Variants in KNL1 observed in about 807,000 individuals in gnomAD.
KNL1 encodes the protein kinetochore scaffold 1, also known as outer kinetochore KNL1 complex subunit KNL1.
In KNL1, 66 loss-of-function variants were observed where a neutral mutation model predicts 201.3. That is an observed-to-expected ratio of 0.33 (90% CI 0.27 to 0.40). The LOEUF (loss-of-function observed/expected upper bound fraction) is 0.40, where lower values mean the gene tolerates loss of function less well. Ranked by LOEUF, KNL1 falls within the 10% of genes least tolerant of loss-of-function variation. KNL1 has a pLI of 1.00. For missense variants in KNL1, 2,815 were observed against 2,690.5 expected (o/e 1.05, Z -1.02); for synonymous variants, 895 against 899.2 (o/e 1.00, Z 0.08).
chr15:40,627,284 G>C (rs1256041850), intron 10 of KNL1, among the ~76,000 whole-genome samples: 5 of 152,188 alleles, frequency 3.3e-5, no homozygotes, highest in African/African-American at 9.7e-5. Flanking sequence ...GGAGGCCAGG[G>C]CAGGTTGATC....
Position 40,622,615 on chromosome 15 carries a change from A to G in KNL1, c.2351A>G (p.Lys784Arg). 2 of 1,604,030 alleles carry G rather than the reference A, an allele frequency of 1.2e-6. No individual in the cohort carries two copies. The highest frequency in any genetic ancestry group is 1.7e-6 in the Non-Finnish European group (2 of 1,175,926). Residue 784 changes from lysine to arginine, a missense_variant, in exon 10 of 26, where the codon AAA becomes AGA. By Grantham distance (26) the Lys-to-Arg change is conservative (BLOSUM62 2). Coordinates refer to ENST00000399668, the MANE Select transcript of KNL1 (RefSeq NM_144508.5). Reference protein sequence around the residue: ...FGPSELQELGKTNLEHTTGQL... With the variant: ...FGPSELQELGRTNLEHTTGQL... ...CCTTCTGAACTACAAGAACTTGGTA[A>G]AACTAATTTAGAACACACTACTGGC... is the stretch of plus-strand genomic sequence containing the variant.
intron 13 of KNL1, among the ~76,000 whole-genome samples, chr15:40,637,435 C>G (rs1025012941): frequency 6.7e-6 from 1 of 149,988 alleles, no homozygotes; most frequent in Non-Finnish European, 1.5e-5. Flanking sequence ...CTGGTGATGA[C>G]GTGTATGCAG....
chr15:40,649,942 A>T (rs947016439), intron 17 of KNL1, among the ~76,000 whole-genome samples: 1 of 152,136 alleles, frequency 6.6e-6, no homozygotes, highest in African/African-American at 2.4e-5. Flanking sequence ...TGATTAAATT[A>T]TAAGCTCTGT....
intron 17 of KNL1, 77 bp from the exon 18 acceptor site, chr15:40,650,224 A>G: frequency 1.1e-6 from 1 of 935,830 alleles, no homozygotes; most frequent in Non-Finnish European, 1.6e-6. Context: ...TGATTGAATT[A>G]TTCTTTTTTT....
chr15:40,659,259 G>A (rs1383484046), intron 24 of KNL1, 80 bp from the exon 25 acceptor site: 17 of 1,226,558 alleles, frequency 1.4e-5, no homozygotes, highest in East Asian at 8.1e-5. Context: ...GCAAGACTCC[G>A]TCTCAAAAAA....
At chr15:40,651,416 G>C in intron 19 of KNL1, 55 bp from the exon 20 acceptor site, 1 of 1,160,592 alleles carries the variant, frequency 8.6e-7, no homozygotes, top group South Asian at 1.5e-5. Flanking sequence ...TATATTGATA[G>C]AGTGAATTCT....
intron 9 of KNL1, 87 bp from the exon 10 acceptor site, chr15:40,620,553 G>T: frequency 1.3e-6 from 1 of 754,432 alleles, no homozygotes; most frequent in Non-Finnish European, 2.1e-6. Context: ...AACCATCACT[G>T]AGGATTTTTT....
At position 40,621,307 on chromosome 15, in the gene KNL1, A is replaced by T. The variant is rs1395460419; in HGVS notation, c.1043A>T (p.Asp348Val). 2 of 1,613,880 alleles carry T rather than the reference A, an allele frequency of 1.2e-6. No individual in the cohort carries two copies. Among genetic ancestry groups the T allele is most frequent in the Admixed American group, 3.3e-5 (2 of 60,002 alleles). ...GAAAATCAAACTCAGAATGCCATGG[A>T]TGTAACAACAGGTTATGGAACTAAA... ...EIENQTQNAM[D>V]VTTGYGTKAS... The change falls in exon 10 of 26, where the codon GAT becomes GTT. Residue 348 changes from aspartate (D) to valine (V), a missense_variant. Coordinates refer to ENST00000399668, the MANE Select transcript of KNL1 (RefSeq NM_144508.5).
chr15:40,639,963 CT>C (rs1472763469), intron 13 of KNL1, among the ~76,000 whole-genome samples: 4 of 152,020 alleles, frequency 2.6e-5, no homozygotes, highest in African/African-American at 9.7e-5. Context: ...GTACTAGCTA[CT>C]GGAGAGGATG....
chr15:40,648,246 A>G (rs1054428520), intron 17 of KNL1, among the ~76,000 whole-genome samples: 5 of 152,136 alleles, frequency 3.3e-5, no homozygotes, highest in Non-Finnish European at 7.4e-5. Flanking sequence ...CAGCCTGGGC[A>G]ACAGAGTGAG....
chr15:40,644,785 A>T (rs1293218248), intron 14 of KNL1, among the ~76,000 whole-genome samples: 1 of 152,210 alleles, frequency 6.6e-6, no homozygotes, highest in Admixed American at 6.5e-5. Flanking sequence ...CATACAACAC[A>T]TGTTTTTGTG....
chr15:40,661,752 G>T (rs1893914562), intron 25 of KNL1, among the ~76,000 whole-genome samples: 1 of 151,272 alleles, frequency 6.6e-6, no homozygotes, highest in Non-Finnish European at 1.5e-5. Flanking sequence ...TTAAAAAATT[G>T]ATTAACCTGG....
chr15:40,636,936 G>A (rs1567015979), intron 13 of KNL1, among the ~76,000 whole-genome samples: 1 of 151,980 alleles, frequency 6.6e-6, no homozygotes, highest in Admixed American at 6.6e-5. Context: ...ATTTCAATAT[G>A]TATTCCCTAA....
chr15:40,610,371 T>G lies in KNL1; in HGVS notation c.250+74T>G, dbSNP rs1036312472. ...TACTGTAGCTATCTAACCAGACAACTAATATAACTTATTGTCTATCTTATT... is the reference window on the plus strand; with the variant it reads ...TACTGTAGCTATCTAACCAGACAACGAATATAACTTATTGTCTATCTTATT... On this transcript the variant is annotated intron_variant, in intron 6 of 25. Transcript: ENST00000399668. 7 of 772,826 alleles carry G rather than the reference T, an allele frequency of 9.1e-6. No homozygotes were observed. The African/African-American group carries it at 1.2e-4, about 13-fold the overall frequency. The allele number at this position is 772,826 out of a possible 1,614,324, so 47.9% of individuals were successfully genotyped here. A position where few individuals can be genotyped will look rare whatever the true frequency, so the allele number is the denominator to read the frequency against.
At chr15:40,650,703 G>T in intron 19 of KNL1, 120 bp downstream of exon 19, 1 of 847,900 alleles carries the variant, frequency 1.2e-6, no homozygotes, top group East Asian at 3.1e-5. Context: ...GCTGACTCAG[G>T]GCTTCTCCAC....
intron 1 of KNL1, among the ~76,000 whole-genome samples, chr15:40,599,186 C>T (rs1372977379): frequency 6.6e-6 from 1 of 150,732 alleles, no homozygotes; most frequent in Admixed American, 6.6e-5. Context: ...AGCATGGTGG[C>T]GGGTGCCTAT....
chr15:40,608,854 A>G lies in KNL1; in HGVS notation c.143A>G (p.Asn48Ser), dbSNP rs775359976. ...RGGNERVQES[N>S]ALRNKKNSRR... ...TATATTCTCTGCCCTTAGGAATCCAATGCTTTGAGAAATAAGAAAAACTCT... is the reference window on the plus strand; with the variant it reads ...TATATTCTCTGCCCTTAGGAATCCAGTGCTTTGAGAAATAAGAAAAACTCT... Residue 48 changes from asparagine (N) to serine (S), a missense_variant, in exon 5 of 26, where the codon AAT becomes AGT. By Grantham distance (46) the Asn-to-Ser change is conservative. Coordinates refer to ENST00000399668, the MANE Select transcript of KNL1 (RefSeq NM_144508.5). 5.0e-5 allele frequency: 80 copies of G among 1,608,488 alleles called. No homozygotes were observed. The highest frequency in any genetic ancestry group is 1.6e-4 in the Middle Eastern group (1 of 6,078).
At chr15:40,615,279 T>C in intron 7 of KNL1, 62 bp from the exon 8 acceptor site, 2 of 506,966 alleles carry the variant, frequency 3.9e-6, no homozygotes, top group Non-Finnish European at 7.0e-6. Flanking sequence ...TTTCAGCTGT[T>C]ATTGAAAGAT....
intron 13 of KNL1, among the ~76,000 whole-genome samples, chr15:40,637,955 A>G (rs1341948490): frequency 2.0e-5 from 3 of 151,970 alleles, no homozygotes; most frequent in Non-Finnish European, 4.4e-5. Context: ...AGGCAGGCAG[A>G]TTGCCTGAGC....
Sources: gnomAD v4.1 joint callset for allele counts (sites outside exome capture counted in the v4.1 genomes callset) on GRCh38, gnomAD v4.1.1 for gene constraint, MANE v1.5 for transcripts, NCBI Gene and HGNC (gene_info 2026-07-23, HGNC 2026-07-21) for gene names.